The following CYP7B1 variants were observed in gnomAD, a reference collection of about 807,000 sequenced individuals.
CYP7B1 encodes the protein cytochrome P450 family 7 subfamily B member 1.
Under a neutral mutation model 42.7 loss-of-function variants are expected in CYP7B1, and 29 were observed. That is an observed-to-expected ratio of 0.68 (90% CI 0.51 to 0.93). The LOEUF is 0.93. Ranked by LOEUF, CYP7B1 falls within the 40% of genes least tolerant of loss-of-function variation. The probability of loss-of-function intolerance (pLI) is 0.00; values close to 1 mark genes in which losing one functional copy is unlikely to be tolerated. For missense variants in CYP7B1, 655 were observed against 600.5 expected (o/e 1.09, Z -0.95); for synonymous variants, 235 against 218.2 (o/e 1.08, Z -0.68).
chr8:64,707,573 TTGAAA>T (rs1438114288), intron 1 of CYP7B1, among the ~76,000 whole-genome samples: 39 of 152,226 alleles, frequency 2.6e-4, no homozygotes, highest in African/African-American at 8.9e-4. Flanking sequence ...CACCTGTCAT[TTGAAA>T]TGAAAAGTTT....
chr8:64,728,857 A>G (rs1807365873), intron 1 of CYP7B1: 1 of 152,180 alleles, frequency 6.6e-6, no homozygotes, highest in Non-Finnish European at 1.5e-5. Context: ...AGAATATCCT[A>G]CCCAAGAAAT....
chr8:64,784,290 A>AC (rs1804483861), intron 1 of CYP7B1, among the ~76,000 whole-genome samples: 1 of 152,204 alleles, frequency 6.6e-6, no homozygotes, highest in Non-Finnish European at 1.5e-5. Flanking sequence ...TTGAAAAAGA[A>AC]CAAATACTTA....
downstream of CYP7B1, among the ~76,000 whole-genome samples, chr8:64,589,375 T>C (rs1199739046): frequency 6.6e-6 from 1 of 152,194 alleles, no homozygotes; most frequent in African/African-American, 2.4e-5. Context: ...TAGTTCAAAA[T>C]AAAAAGTTTT....
chr8:64,726,348 C>A (rs974458577), intron 1 of CYP7B1, among the ~76,000 whole-genome samples: 3 of 152,178 alleles, frequency 2.0e-5, no homozygotes, highest in African/African-American at 7.2e-5. Context: ...GAAAGTCTGC[C>A]TTTTAAATTC....
intron 1 of CYP7B1, among the ~76,000 whole-genome samples, chr8:64,723,563 C>T (rs941901917): frequency 6.6e-6 from 1 of 152,094 alleles, no homozygotes; most frequent in Non-Finnish European, 1.5e-5. Context: ...TTGTAAAAGT[C>T]GGATTTTAGT....
intron 4 of CYP7B1, among the ~76,000 whole-genome samples, chr8:64,612,859 A>C (rs1314784945): frequency 6.6e-6 from 1 of 152,142 alleles, no homozygotes; most frequent in Admixed American, 6.5e-5. Context: ...CACATGGTAA[A>C]TATTTAACTG....
chr8:64,785,303 T>A (rs553074299), intron 1 of CYP7B1, among the ~76,000 whole-genome samples: 1 of 152,218 alleles, frequency 6.6e-6, no homozygotes, highest in Non-Finnish European at 1.5e-5. Flanking sequence ...TTGACAGTAC[T>A]TTTACAAAAC....
At chr8:64,587,128 G>A (rs1474009767), downstream of CYP7B1, among the ~76,000 whole-genome samples, 1 of 152,226 alleles carries the variant, frequency 6.6e-6, no homozygotes, top group African/African-American at 2.4e-5. Flanking sequence ...TGGCAGGACT[G>A]GAGGAGGAAA....
chr8:64,725,942 C>T (rs927320147), intron 1 of CYP7B1, among the ~76,000 whole-genome samples: 2 of 152,166 alleles, frequency 1.3e-5, no homozygotes, highest in Non-Finnish European at 2.9e-5. Flanking sequence ...CACAACAATC[C>T]GCTGTCGTGT....
chr8:64,593,896 A>C lies in CYP7B1; in HGVS notation c.*2746T>G, dbSNP rs538666343. On this transcript the variant is annotated 3_prime_UTR_variant, in exon 6 of 6. Coordinates refer to ENST00000310193, the MANE Select transcript of CYP7B1 (RefSeq NM_004820.5). Reference sequence around the variant, plus strand: ...GCAGCATATATGAAGAACAAAAGGGAATCGTAAAACTGAAAAATGTAATGA... The same window carrying C: ...GCAGCATATATGAAGAACAAAAGGGCATCGTAAAACTGAAAAATGTAATGA... Among the ~76,000 whole-genome samples, 1 of 152,302 alleles carries C rather than the reference A, an allele frequency of 6.6e-6. No individual in the cohort carries two copies. Among genetic ancestry groups the C allele is most frequent in the African/African-American group, 2.4e-5 (1 of 41,558 alleles).
intron 5 of CYP7B1, among the ~76,000 whole-genome samples, chr8:64,603,843 C>T (rs1054695743): frequency 4.6e-5 from 7 of 152,166 alleles, no homozygotes; most frequent in African/African-American, 1.7e-4. Flanking sequence ...AGCCTGGATG[C>T]AAAACATCTA....
chr8:64,620,476 G>T (rs1186168443), intron 2 of CYP7B1, among the ~76,000 whole-genome samples: 1 of 152,124 alleles, frequency 6.6e-6, no homozygotes, highest in Non-Finnish European at 1.5e-5. Context: ...ACCAATTAGA[G>T]AACTATTTTC....
chr8:64,769,804 TC>T (rs894960973), intron 1 of CYP7B1, among the ~76,000 whole-genome samples: 2 of 151,674 alleles, frequency 1.3e-5, no homozygotes, highest in African/African-American at 4.8e-5. Flanking sequence ...CCACCTTCAT[TC>T]CCCCCATCCT....
At chr8:64,765,449 G>A (rs1186802575) in intron 1 of CYP7B1, among the ~76,000 whole-genome samples, 1 of 152,168 alleles carries the variant, frequency 6.6e-6, no homozygotes, top group Non-Finnish European at 1.5e-5. Context: ...TGGGGCAACT[G>A]GGCTGTTATG....
chr8:64,773,214 T>C (rs932283189), intron 1 of CYP7B1, among the ~76,000 whole-genome samples: 1 of 152,230 alleles, frequency 6.6e-6, no homozygotes, highest in Non-Finnish European at 1.5e-5. Flanking sequence ...TCTAAAACAA[T>C]GCCTGGTATA....
chr8:64,787,328 T>G (rs1804544316), intron 1 of CYP7B1, among the ~76,000 whole-genome samples: 1 of 152,192 alleles, frequency 6.6e-6, no homozygotes, highest in Non-Finnish European at 1.5e-5. Flanking sequence ...ACTTAGAAAT[T>G]TCTTCCACCA....
chr8:64,634,921 G>A (rs1805748343), intron 1 of CYP7B1, among the ~76,000 whole-genome samples: 1 of 152,176 alleles, frequency 6.6e-6, no homozygotes, highest in African/African-American at 2.4e-5. Flanking sequence ...ACATGCAAAT[G>A]AGGCAGGCAG....
At chr8:64,607,741 T>C (rs1304730609) in intron 4 of CYP7B1, among the ~76,000 whole-genome samples, 2 of 152,268 alleles carry the variant, frequency 1.3e-5, no homozygotes, top group Non-Finnish European at 2.9e-5. Flanking sequence ...GGCTTTCATA[T>C]GGAAGTTAAT....
chr8:64,613,620 C>T (rs1805393180), intron 4 of CYP7B1, among the ~76,000 whole-genome samples: 2 of 152,052 alleles, frequency 1.3e-5, no homozygotes, highest in South Asian at 4.1e-4. Context: ...CAAAATTTTA[C>T]ACAAATTTTC....
Sources: allele counts gnomAD v4.1 joint callset (sites outside exome capture counted in the v4.1 genomes callset), GRCh38; gene constraint gnomAD v4.1.1; transcripts MANE v1.5; gene names NCBI Gene and HGNC (gene_info 2026-07-23, HGNC 2026-07-21).